The following AARSD1 variants were observed in gnomAD, a reference collection of about 807,000 sequenced individuals.
AARSD1 encodes the protein alanyl-tRNA editing protein Aarsd1.
A neutral mutation model predicts 48.7 loss-of-function variants in AARSD1; 44 were observed. The ratio of observed to expected loss-of-function variants is 0.90; its 90% CI spans 0.71 to 1.16. The LOEUF (loss-of-function observed/expected upper bound fraction) is 1.16. Ranked by LOEUF, AARSD1 falls within the 50% of genes most tolerant of loss-of-function variation. The pLI is 0.00. For synonymous variants in AARSD1, 189 were observed against 194.9 expected (o/e 0.97, Z 0.25); for missense variants, 511 against 523.1 (o/e 0.98, Z 0.23).
At chr17:42,953,880 A>ACACATAAAGTCCCATATC in intron 9 of AARSD1, 102 bp from the exon 10 acceptor site, 1 of 1,446,896 alleles carries the variant, frequency 6.9e-7, no homozygotes. Context: ...CTGCCTATGT[A>ACACATAAAGTCCCATATC]CACATAAAGT....
chr17:42,953,698 G>A, intron 10 of AARSD1, 26 bp downstream of exon 10: 3 of 1,614,018 alleles, frequency 1.9e-6, no homozygotes, highest in Non-Finnish European at 2.5e-6. Flanking sequence ...TCCAGGCCGG[G>A]GTAGAGAATC....
rs2049656801 is a variant in AARSD1, at chr17:42,962,833, TCAG to T, written c.171+1270_171+1272del. Among the ~76,000 whole-genome samples, 2 of 152,088 alleles carry T rather than the reference TCAG, an allele frequency of 1.3e-5. 1 individual carries two copies. Among genetic ancestry groups the T allele is most frequent in the South Asian group, 4.1e-4 (2 of 4,826 alleles). On this transcript the variant is annotated intron_variant, in intron 2 of 11. Transcript: ENST00000427569. The stretch of plus-strand genomic sequence containing the variant: ...ACTGTTTGAGGCCAGGAGCTCAAGA[TCAG>T]CCTGGGCAATAAAGTGAGACCTCAT...
chr17:42,953,911 G>C, intron 9 of AARSD1, 133 bp from the exon 10 acceptor site: 1 of 1,148,498 alleles, frequency 8.7e-7, no homozygotes, highest in Non-Finnish European at 1.3e-6. Flanking sequence ...TTAGCCAAGA[G>C]AGAGTACTGG....
At chr17:42,962,957 G>A (rs537021309) in intron 2 of AARSD1, among the ~76,000 whole-genome samples, 3 of 152,098 alleles carry the variant, frequency 2.0e-5, no homozygotes, top group African/African-American at 7.2e-5. Context: ...CTGGGAGTTC[G>A]AGGCTGCAGT....
intron 4 of AARSD1, among the ~76,000 whole-genome samples, chr17:42,956,910 G>A (rs1490067577): frequency 6.9e-6 from 1 of 144,512 alleles, no homozygotes; most frequent in Non-Finnish European, 1.5e-5. Context: ...CTCGTGATCC[G>A]CCCGCCTCGG....
rs763918882 is a variant in AARSD1, at chr17:42,950,652, G to T, written c.1180C>A (p.Arg394=). 8.7e-6 allele frequency: 14 copies of T among 1,613,810 alleles called. No individual in the cohort carries two copies. The highest frequency in any genetic ancestry group is 3.3e-5 in the Admixed American group (2 of 59,974). ...FQGKATKMSR[R]MEAQALLQDY... ...TGGAGAAGCGCCTGCGCCTCCATCCGCCGGCTCATCTTGGTGGCCTTGCCC... is the reference window on the plus strand; with the variant it reads ...TGGAGAAGCGCCTGCGCCTCCATCCTCCGGCTCATCTTGGTGGCCTTGCCC... The change falls in exon 12 of 12, where the codon CGG becomes AGG. Residue 394 remains arginine, a synonymous_variant. Transcript: ENST00000427569.
chr17:42,960,403 G>A (rs932810172), intron 3 of AARSD1, among the ~76,000 whole-genome samples: 2 of 152,142 alleles, frequency 1.3e-5, no homozygotes, highest in African/African-American at 4.8e-5. Context: ...TAGGATGACA[G>A]TGACTGTGGA....
Position 42,956,532 on chromosome 17 carries a change from C to G in AARSD1, c.418G>C (p.Glu140Gln). Residue 140 changes from glutamate to glutamine, a missense_variant, in exon 5 of 12, where the codon GAG becomes CAG. Coordinates refer to ENST00000427569, the MANE Select transcript of AARSD1 (RefSeq NM_001261434.2). ...WELGRFRSAI[E>Q]LDTPSMTAEQ... is the part of the protein sequence containing the mutation. ...GCAGTCATAGAGGGGGTGTCCAGCT[C>G]AATCGCACTCCGAAATCTCCCTAAC... 1 of 1,613,634 alleles carries G rather than the reference C, an allele frequency of 6.2e-7. No individual in the cohort carries two copies. Among genetic ancestry groups the G allele is most frequent in the Non-Finnish European group, 8.5e-7 (1 of 1,179,854 alleles).
intron 3 of AARSD1, 94 bp from the exon 4 acceptor site, chr17:42,957,289 T>C: frequency 6.5e-7 from 1 of 1,533,898 alleles, no homozygotes; most frequent in Non-Finnish European, 8.9e-7. Context: ...AGCACAGAAA[T>C]TCTCCTTGTT....
At position 42,964,175 on chromosome 17, in the gene AARSD1, C is replaced by G; in HGVS notation, c.102G>C (p.Lys34Asn). Residue 34 changes from lysine (K) to asparagine (N), a missense_variant, in exon 2 of 12, where the codon AAG becomes AAC. Coordinates refer to ENST00000427569, the MANE Select transcript of AARSD1 (RefSeq NM_001261434.2). Reference sequence around the variant, plus strand: ...CTTGGAAACCGCTCAGCACTTCTTTCTTGCCGTTGCTCCCTTCAGTCTGCA... The same window carrying G: ...CTTGGAAACCGCTCAGCACTTCTTTGTTGCCGTTGCTCCCTTCAGTCTGCA... ...AELQTEGSNGKKEVLSGFQVV... is the reference protein window; with the variant it reads ...AELQTEGSNGNKEVLSGFQVV... The G allele has an allele frequency of 6.2e-7, 1 of 1,614,254 alleles. No individual in the cohort carries two copies. Among genetic ancestry groups the G allele is most frequent in the Non-Finnish European group, 8.5e-7 (1 of 1,180,052 alleles).
At position 42,956,396 on chromosome 17, in the gene AARSD1, AC is replaced by A. The variant is rs532805556; in HGVS notation, c.546+7del. 970 of 1,613,880 alleles carry A rather than the reference AC, an allele frequency of 6.0e-4. 2 individuals are homozygous for A. The African/African-American group carries it at 0.012, about 19-fold the overall frequency. On this transcript the variant is annotated splice_region_variant and intron_variant, in intron 5 of 11. Coordinates refer to ENST00000427569, the MANE Select transcript of AARSD1 (RefSeq NM_001261434.2). ...CCGCAGAAACCATCCCTCTGGCTCT[AC>A]CCTTACCTGCTCCACCTCAGGATCA...
At chr17:42,963,140 G>A (rs1330229650) in intron 2 of AARSD1, among the ~76,000 whole-genome samples, 1 of 151,438 alleles carries the variant, frequency 6.6e-6, no homozygotes, top group Non-Finnish European at 1.5e-5. Context: ...GAAGTGCAGT[G>A]GCACAATCTT....
intron 9 of AARSD1, 74 bp from the exon 10 acceptor site, chr17:42,953,852 C>T (rs2049511280): frequency 6.3e-7 from 1 of 1,593,366 alleles, no homozygotes; most frequent in East Asian, 2.2e-5. Context: ...CTGGCCCCTC[C>T]TTCTGAGGCT....
Position 42,961,300 on chromosome 17 carries a change from GGCGA to G in AARSD1, c.219_222del (p.Arg74ValfsTer23). The G allele has an allele frequency of 6.2e-7, 1 of 1,614,062 alleles. No individual in the cohort carries two copies. The highest frequency in any genetic ancestry group is 8.5e-7 in the Non-Finnish European group (1 of 1,180,010). On this transcript the variant is annotated frameshift_variant, in exon 3 of 12. Transcript: ENST00000427569. LOFTEE classifies it high-confidence loss of function. ...GTGAAATGATCAGCCTGTTCCCCACGGCGAGTCACTCTCAGCACAGAGATGTCAT... is the reference window on the plus strand; with the variant it reads ...GTGAAATGATCAGCCTGTTCCCCACGGTCACTCTCAGCACAGAGATGTCAT...
At chr17:42,953,277 G>C (rs910136995) in intron 10 of AARSD1, among the ~76,000 whole-genome samples, 1 of 152,084 alleles carries the variant, frequency 6.6e-6, no homozygotes, top group Non-Finnish European at 1.5e-5. Flanking sequence ...ACCATGCCTG[G>C]CCTGATTTTT....
chr17:42,952,875 G>A lies in AARSD1; in HGVS notation c.1008+849C>T, dbSNP rs943678618. On this transcript the variant is annotated intron_variant, in intron 10 of 11. Coordinates refer to ENST00000427569, the MANE Select transcript of AARSD1 (RefSeq NM_001261434.2). ...GTTGCCCAGGCTGGAGTGCAGTGGCGCAATCTCGGCTCACTGCAACCTCAG... is the reference window on the plus strand; with the variant it reads ...GTTGCCCAGGCTGGAGTGCAGTGGCACAATCTCGGCTCACTGCAACCTCAG... Among the ~76,000 whole-genome samples, 21 of 150,140 alleles carry A rather than the reference G, an allele frequency of 1.4e-4. No homozygotes were observed. The East Asian group carries it at 3.5e-3, about 25-fold the overall frequency.
chr17:42,962,007 A>T (rs2049643615), intron 2 of AARSD1, among the ~76,000 whole-genome samples: 1 of 143,510 alleles, frequency 7.0e-6, no homozygotes, highest in Admixed American at 7.0e-5. Flanking sequence ...TGTCTCATTT[A>T]AAAAAAAAAA....
chr17:42,960,002 G>A (rs929616209), intron 3 of AARSD1, among the ~76,000 whole-genome samples: 1 of 152,016 alleles, frequency 6.6e-6, no homozygotes, highest in African/African-American at 2.4e-5. Context: ...TGGGCGCAGT[G>A]GCTCCCGCCT....
chr17:42,955,086 C>A (rs1436602981), intron 8 of AARSD1, 72 bp downstream of exon 8: 16 of 1,612,854 alleles, frequency 9.9e-6, no homozygotes, highest in Admixed American at 3.3e-5. Flanking sequence ...TCTGTTTAGG[C>A]AGAAGACCAA....
Sources: gnomAD v4.1 joint callset for allele counts (sites outside exome capture counted in the v4.1 genomes callset) on GRCh38, gnomAD v4.1.1 for gene constraint, MANE v1.5 for transcripts, NCBI Gene and HGNC (gene_info 2026-07-23, HGNC 2026-07-21) for gene names.